TMEM231: variants seen among roughly 807,000 people sequenced by gnomAD.
TMEM231 encodes the protein transmembrane protein 231.
A neutral mutation model predicts 38.5 loss-of-function variants in TMEM231; 40 were observed. That is an observed-to-expected ratio of 1.04 (90% CI 0.81 to 1.35). TMEM231 has a LOEUF of 1.35. TMEM231 is among the 40% of genes most tolerant of loss of function. The probability of loss-of-function intolerance (pLI) is 0.00; values close to 1 mark genes in which losing one functional copy is unlikely to be tolerated. For missense variants in TMEM231, 420 were observed against 416.9 expected (o/e 1.01, Z -0.07); for synonymous variants, 199 against 181.7 (o/e 1.10, Z -0.77).
rs536742767 is a variant in TMEM231, at chr16:75,551,833, C to A, written c.309+3971G>T. Reference sequence around the variant, plus strand: ...AAAAATCAGCCGGCCGTGGTGGTGCCTGCCTGTAATCCCAGCTACTCATGA... The same window carrying A: ...AAAAATCAGCCGGCCGTGGTGGTGCATGCCTGTAATCCCAGCTACTCATGA... On this transcript the variant is annotated intron_variant, in intron 2 of 6. Transcript: ENST00000258173. Among the ~76,000 whole-genome samples the A allele has an allele frequency of 7.9e-5, 12 of 151,868 alleles. No individual in the cohort carries two copies. In the South Asian group the frequency reaches 2.3e-3, roughly 29 times the overall value.
At chr16:75,550,951 A>G in intron 2 of TMEM231, among the ~76,000 whole-genome samples, 1 of 152,102 alleles carries the variant, frequency 6.6e-6, no homozygotes, top group Admixed American at 6.5e-5. Context: ...TCCCTACCTC[A>G]GGTGATCCAT....
intron 4 of TMEM231, among the ~76,000 whole-genome samples, chr16:75,544,448 G>A (rs887261821): frequency 1.3e-5 from 2 of 152,106 alleles, no homozygotes; most frequent in African/African-American, 4.8e-5. Flanking sequence ...TGCTTCTTGG[G>A]TTTGAGGAAC....
rs369180727 is a variant in TMEM231, at chr16:75,541,057, A to G, written c.770+293T>C. 7.8e-4 allele frequency among the ~76,000 whole-genome samples: 119 copies of G among 152,276 alleles called. 4 individuals are homozygous for G. The South Asian group carries it at 0.021, about 27-fold the overall frequency. On this transcript the variant is annotated intron_variant, in intron 6 of 6. Transcript: ENST00000258173. ...GAGGCAGGGTCTCACTCTGTCACCG[A>G]GGCTGGAGTACAGTGGCACAATCAT...
rs1325267692 is a variant in TMEM231 at position 75,541,352 on chromosome 16, A to G, written c.768T>C (p.Ile256=). 3.7e-6 allele frequency: 6 copies of G among 1,605,772 alleles called. No homozygotes were observed. Among genetic ancestry groups the G allele is most frequent in the Non-Finnish European group, 5.1e-6 (6 of 1,174,608 alleles). The part of the protein sequence containing the change: ...NAIIRYPVEV[I]SYQPGFWEMV... ...GGACTCTTTAACAGAAAGGATATGA[A>G]ATGACTTCCACAGGGTATCGGATGA... is the stretch of plus-strand genomic sequence containing the variant. The change falls in exon 6 of 7, where the codon ATT becomes ATC. Residue 256 remains isoleucine, a splice_region_variant and synonymous_variant. Transcript: ENST00000258173.
chr16:75,547,686 G>A (rs957965152), intron 2 of TMEM231, among the ~76,000 whole-genome samples: 1 of 152,168 alleles, frequency 6.6e-6, no homozygotes, highest in Non-Finnish European at 1.5e-5. Context: ...GGCTGAGGCA[G>A]GAGAATCGCT....
chr16:75,548,705 T>C (rs2472202), intron 2 of TMEM231, among the ~76,000 whole-genome samples: 42,364 of 151,846 alleles, frequency 0.28, 6,020 homozygotes, highest in Middle Eastern at 0.37. Flanking sequence ...CCTGCCTCTA[T>C]TAAAAATACA....
rs750674092 is a variant in TMEM231, at chr16:75,556,080, G to A, written c.130C>T (p.Arg44Trp). 6.4e-6 allele frequency: 10 copies of A among 1,567,946 alleles called. No individual in the cohort carries two copies. In the East Asian group the frequency reaches 2.1e-4, roughly 34 times the overall value. ...GCCGGGGCAGGCTCACCGTGGCTCC[G>A]GAAGGCCACCAGCAGCGGCGGGATG... ...TYIPPLLVAF[R>W]SHGFWLKRSS... is the part of the protein sequence containing the mutation. Residue 44 changes from arginine to tryptophan, a missense_variant, in exon 1 of 7, where the codon CGG becomes TGG. Coordinates refer to ENST00000258173, the MANE Select transcript of TMEM231 (RefSeq NM_001077418.3).
chr16:75,542,448 A>G (rs1412303962), intron 5 of TMEM231, 154 bp downstream of exon 5: 5 of 738,220 alleles, frequency 6.8e-6, no homozygotes, highest in Non-Finnish European at 1.2e-5. Context: ...AGGACGAAAA[A>G]GACAAATCCT....
chr16:75,546,811 T>C (rs2080698564), intron 2 of TMEM231, among the ~76,000 whole-genome samples: 1 of 152,226 alleles, frequency 6.6e-6, no homozygotes, highest in Admixed American at 6.5e-5. Flanking sequence ...TGTTGGATCT[T>C]ATCTCATCAT....
rs754174079 is a variant in TMEM231 at position 75,545,506 on chromosome 16, T to G, written c.439-11A>C. On this transcript the variant is annotated splice_polypyrimidine_tract_variant and intron_variant, in intron 3 of 6. Transcript: ENST00000258173. Reference sequence around the variant, plus strand: ...GAGGGTCGCCATCCTCTGAAATCATTAGAAGGACCAACAATACCAACCGCC... The same window carrying G: ...GAGGGTCGCCATCCTCTGAAATCATGAGAAGGACCAACAATACCAACCGCC... The G allele has an allele frequency of 2.6e-6, 4 of 1,524,626 alleles. No homozygotes were observed. Among genetic ancestry groups the G allele is most frequent in the Non-Finnish European group, 3.5e-6 (4 of 1,128,090 alleles). The allele number at this position is 1,524,626 out of a possible 1,614,324, so 94.4% of individuals were successfully genotyped here.
In TMEM231 at chr16:75,541,473, A is replaced by G; in HGVS notation, c.665-18T>C. The G allele has an allele frequency of 6.5e-7, 1 of 1,542,280 alleles. No homozygotes were observed. Among genetic ancestry groups the G allele is most frequent in the Non-Finnish European group, 8.9e-7 (1 of 1,126,046 alleles). ...GGTGGTAACTGCAATGCAATCATTA[A>G]CCATTAACCACGATGGCTGTTTGAC... is the stretch of plus-strand genomic sequence containing the variant. On this transcript the variant is annotated intron_variant, in intron 5 of 6. Coordinates refer to ENST00000258173, the MANE Select transcript of TMEM231 (RefSeq NM_001077418.3).
Position 75,539,361 on chromosome 16 carries a change from A to G in TMEM231, c.*633T>C, listed in dbSNP as rs1287017650. Reference sequence around the variant, plus strand: ...GATCCAGGGCTGCTCAGCTGAGCTGATGACAGATGACTGACTGTTGGGCTG... The same window carrying G: ...GATCCAGGGCTGCTCAGCTGAGCTGGTGACAGATGACTGACTGTTGGGCTG... On this transcript the variant is annotated 3_prime_UTR_variant, in exon 7 of 7. Transcript: ENST00000258173. The G allele has an allele frequency of 2.0e-5, 3 of 152,308 alleles. No homozygotes were observed. Among genetic ancestry groups the G allele is most frequent in the Non-Finnish European group, 4.4e-5 (3 of 68,106 alleles). 9.4% of individuals were successfully genotyped at this position (152,308 alleles called of 1,614,324 possible).
At chr16:75,545,251 C>G in intron 4 of TMEM231, 101 bp downstream of exon 4, 1 of 1,493,196 alleles carries the variant, frequency 6.7e-7, no homozygotes, top group African/African-American at 1.4e-5. Context: ...TGAGCCACTG[C>G]GCCTGGCCTG....
chr16:75,546,253 C>G (rs1020312179), intron 2 of TMEM231, among the ~76,000 whole-genome samples: 5 of 152,160 alleles, frequency 3.3e-5, no homozygotes, highest in Non-Finnish European at 7.4e-5. Context: ...TGTGATCTTG[C>G]TTATTTTGCA....
intron 2 of TMEM231, among the ~76,000 whole-genome samples, chr16:75,548,784 G>A (rs1200275388): frequency 1.3e-5 from 2 of 152,152 alleles, no homozygotes; most frequent in East Asian, 1.9e-4. Context: ...CAGGAGAATC[G>A]CTTGAACCCA....
chr16:75,550,908 G>T lies in TMEM231; in HGVS notation c.309+4896C>A, dbSNP rs534342659. On this transcript the variant is annotated intron_variant, in intron 2 of 6. Coordinates refer to ENST00000258173, the MANE Select transcript of TMEM231 (RefSeq NM_001077418.3). Reference sequence around the variant, plus strand: ...ATTTTTGTGTTTTTAGTAGAGACGGGGTTTCACCATGTTGGCCAGGCTGGT... The same window carrying T: ...ATTTTTGTGTTTTTAGTAGAGACGGTGTTTCACCATGTTGGCCAGGCTGGT... Among the ~76,000 whole-genome samples the T allele has an allele frequency of 1.1e-4, 17 of 152,174 alleles. No individual in the cohort carries two copies. The South Asian group carries it at 3.5e-3, about 32-fold the overall frequency.
At chr16:75,554,119 TCA>T (rs1250064688) in intron 2 of TMEM231, among the ~76,000 whole-genome samples, 3 of 152,220 alleles carry the variant, frequency 2.0e-5, no homozygotes, top group African/African-American at 7.2e-5. Context: ...ATTTTGGTTC[TCA>T]GTTTTCCTTA....
chr16:75,546,019 T>G, intron 2 of TMEM231, 65 bp from the exon 3 acceptor site: 1 of 1,563,978 alleles, frequency 6.4e-7, no homozygotes, highest in Admixed American at 1.9e-5. Flanking sequence ...TCCACATCAC[T>G]TCTGTAAATA....
Position 75,555,784 on chromosome 16 carries a change from C to T in TMEM231, c.309+20G>A. On this transcript the variant is annotated intron_variant, in intron 2 of 6. Coordinates refer to ENST00000258173, the MANE Select transcript of TMEM231 (RefSeq NM_001077418.3). The stretch of plus-strand genomic sequence containing the variant: ...ACCCTATCCCCGACTCTGCCCCAGG[C>T]CCAGGCGGGAACCACGCACCGAAAC... 1 of 1,510,002 alleles carries T rather than the reference C, an allele frequency of 6.6e-7. No homozygotes were observed. Among genetic ancestry groups the T allele is most frequent in the Non-Finnish European group, 8.9e-7 (1 of 1,126,124 alleles). 93.5% of individuals were successfully genotyped at this position (1,510,002 alleles called of 1,614,324 possible).
Sources: allele counts gnomAD v4.1 joint callset (sites outside exome capture counted in the v4.1 genomes callset), GRCh38; gene constraint gnomAD v4.1.1; transcripts MANE v1.5; gene names NCBI Gene and HGNC (gene_info 2026-07-23, HGNC 2026-07-21).